The following FANCC variants were observed in gnomAD, a reference collection of about 807,000 sequenced individuals.
FANCC encodes Fanconi anemia group C protein.
FANCC carries 55 observed loss-of-function variants against 71.3 expected under a neutral mutation model. The ratio of observed to expected loss-of-function variants is 0.77; its 90% confidence interval spans 0.62 to 0.97. The LOEUF is 0.97. Ranked by LOEUF, FANCC falls within the 50% of genes least tolerant of loss-of-function variation. The pLI is 0.00. For synonymous variants in FANCC, 275 were observed against 244.9 expected (o/e 1.12, Z -1.15); for missense variants, 678 against 670.9 (o/e 1.01, Z -0.12).
At chr9:95,174,545 T>A (rs768546448) in intron 4 of FANCC, among the ~76,000 whole-genome samples, 93 of 151,854 alleles carry the variant, frequency 6.1e-4, no homozygotes, top group African/African-American at 1.2e-3. Context: ...ATATATATTT[T>A]TTTTCTTCTT....
At chr9:95,174,707 A>G (rs936932871) in intron 4 of FANCC, among the ~76,000 whole-genome samples, 1 of 152,232 alleles carries the variant, frequency 6.6e-6, no homozygotes. Context: ...TTACAAGATA[A>G]AATGAATTTG....
chr9:95,139,184 T>A (rs896251531), intron 7 of FANCC, among the ~76,000 whole-genome samples: 7 of 152,102 alleles, frequency 4.6e-5, no homozygotes, highest in Non-Finnish European at 5.9e-5. Context: ...AAATGGCCGA[T>A]AAAAATGTGC....
In FANCC at chr9:95,100,431, G is replaced by T. The variant is rs1057515698; in HGVS notation, c.*1276C>A. On this transcript the variant is annotated 3_prime_UTR_variant, in exon 15 of 15. Coordinates refer to ENST00000289081, the MANE Select transcript of FANCC (RefSeq NM_000136.3). ...TCCCTAAAGGTTAACTTCTAATCCA[G>T]CAAAACTTTGCTCATACCTCAAAAC... 4.3e-6 allele frequency: 1 copy of T among 231,140 alleles called. No individual in the cohort carries two copies. The highest frequency in any genetic ancestry group is 8.6e-6 in the Non-Finnish European group (1 of 116,724). 14.3% of individuals were successfully genotyped at this position (231,140 alleles called of 1,614,324 possible).
chr9:95,250,783 G>A (rs1019637851), intron 1 of FANCC, among the ~76,000 whole-genome samples: 2 of 152,242 alleles, frequency 1.3e-5, no homozygotes, highest in Admixed American at 6.5e-5. Flanking sequence ...GCCCTGGAGT[G>A]TTGCACTTGT....
intron 1 of FANCC, among the ~76,000 whole-genome samples, chr9:95,262,626 T>C (rs953592415): frequency 1.3e-5 from 2 of 152,158 alleles, no homozygotes; most frequent in Non-Finnish European, 2.9e-5. Context: ...TCTAGGTATA[T>C]ACCCAAAAGA....
chr9:95,126,501 TTAC>T (rs1825998427), intron 9 of FANCC, 25 bp downstream of exon 9: 1 of 1,605,082 alleles, frequency 6.2e-7, no homozygotes, highest in African/African-American at 1.3e-5. Flanking sequence ...TTTACATCAA[TTAC>T]TAGAAGAAAC....
At chr9:95,231,470 G>A (rs1224752079) in intron 4 of FANCC, among the ~76,000 whole-genome samples, 2 of 152,098 alleles carry the variant, frequency 1.3e-5, no homozygotes, top group South Asian at 2.1e-4. Flanking sequence ...GAGGACCCTG[G>A]GATTCGAATG....
At chr9:95,134,613 A>G (rs1417713544) in intron 8 of FANCC, among the ~76,000 whole-genome samples, 3 of 152,228 alleles carry the variant, frequency 2.0e-5, no homozygotes, top group Non-Finnish European at 4.4e-5. Flanking sequence ...TGGCACCTGC[A>G]GGTTTCTGAA....
At chr9:95,121,484 T>C (rs1393455199) in intron 10 of FANCC, among the ~76,000 whole-genome samples, 7 of 152,220 alleles carry the variant, frequency 4.6e-5, no homozygotes, top group Non-Finnish European at 8.8e-5. Context: ...TCTATGAAAG[T>C]TGAACTTTTG....
intron 1 of FANCC, among the ~76,000 whole-genome samples, chr9:95,312,057 C>A (rs1009718643): frequency 6.6e-6 from 1 of 152,202 alleles, no homozygotes; most frequent in African/African-American, 2.4e-5. Context: ...CTCCTAATCT[C>A]TGACCCCACT....
At chr9:95,223,174 T>C (rs768514109) in intron 4 of FANCC, among the ~76,000 whole-genome samples, 4 of 152,244 alleles carry the variant, frequency 2.6e-5, no homozygotes, top group Non-Finnish European at 5.9e-5. Flanking sequence ...TGTGACAAAG[T>C]ACCACAAGTT....
chr9:95,292,375 C>A, intron 1 of FANCC: 1 of 1,019,710 alleles, frequency 9.8e-7, no homozygotes, highest in Non-Finnish European at 1.2e-6. Context: ...GCGGGGTCCA[C>A]GGCTCTGGCG....
intron 1 of FANCC, among the ~76,000 whole-genome samples, chr9:95,289,507 A>G (rs1038402271): frequency 6.6e-5 from 10 of 152,234 alleles, no homozygotes; most frequent in African/African-American, 2.4e-4. Context: ...TTCATGTGTC[A>G]TCATCTACAG....
At position 95,126,518 on chromosome 9, in the gene FANCC, G is replaced by C. The variant is rs1012591196; in HGVS notation, c.896+11C>G. On this transcript the variant is annotated intron_variant, in intron 9 of 14. Coordinates refer to ENST00000289081, the MANE Select transcript of FANCC (RefSeq NM_000136.3). ...TACATCAATTACTAGAAGAAACAGT[G>C]TAACGTTTACCTGAACATCTCATCA... The C allele has an allele frequency of 2.4e-5, 39 of 1,612,954 alleles. No individual in the cohort carries two copies. The highest frequency in any genetic ancestry group is 6.7e-5 in the Admixed American group (4 of 59,996).
intron 1 of FANCC, chr9:95,317,137 C>T (rs1173164876): frequency 6.6e-6 from 1 of 152,406 alleles, no homozygotes; most frequent in Non-Finnish European, 1.5e-5. Flanking sequence ...ACCTTTGCTC[C>T]TCTCCTTTGA....
chr9:95,195,212 A>C (rs1020785982), intron 4 of FANCC, among the ~76,000 whole-genome samples: 11 of 148,650 alleles, frequency 7.4e-5, no homozygotes, highest in African/African-American at 2.4e-4. Flanking sequence ...AAAAAAAAAA[A>C]AAAAAAAAAC....
chr9:95,284,714 C>T (rs942377706), intron 1 of FANCC, among the ~76,000 whole-genome samples: 29 of 152,142 alleles, frequency 1.9e-4, no homozygotes, highest in African/African-American at 6.5e-4. Flanking sequence ...TATTTCACTT[C>T]CCTCTAAATG....
In FANCC at chr9:95,278,758, A is replaced by G. The variant is rs78581236; in HGVS notation, c.-78-29389T>C. On this transcript the variant is annotated intron_variant, in intron 1 of 14. Coordinates refer to ENST00000289081, the MANE Select transcript of FANCC (RefSeq NM_000136.3). Reference sequence around the variant, plus strand: ...ATGTATAGGACATAAGTCAAAAATCATATGTATAGGAGTAACATTTCTATA... The same window carrying G: ...ATGTATAGGACATAAGTCAAAAATCGTATGTATAGGAGTAACATTTCTATA... Among the ~76,000 whole-genome samples, 440 of 152,362 alleles carry G rather than the reference A, an allele frequency of 2.9e-3. 9 individuals are homozygous for G. In the South Asian group the frequency reaches 0.042, roughly 15 times the overall value.
chr9:95,167,491 C>T (rs1453035924), intron 6 of FANCC, among the ~76,000 whole-genome samples: 2 of 152,032 alleles, frequency 1.3e-5, no homozygotes, highest in Non-Finnish European at 2.9e-5. Flanking sequence ...TCTTGACTTT[C>T]CTTCATTCTT....
Sources: allele counts gnomAD v4.1 joint callset (sites outside exome capture counted in the v4.1 genomes callset), GRCh38; gene constraint gnomAD v4.1.1; transcripts MANE v1.5; gene names NCBI Gene and HGNC (gene_info 2026-07-23, HGNC 2026-07-21).